Variants in PPFIBP2 observed in about 807,000 individuals in gnomAD.
PPFIBP2 encodes PPFIB scaffold protein 2.
PPFIBP2 carries 118 observed loss-of-function variants against 118.3 expected under a neutral mutation model. The ratio of observed to expected loss-of-function variants is 1.00; its 90% CI spans 0.86 to 1.16. The LOEUF is 1.16. PPFIBP2 is among the 50% of genes most tolerant of loss of function. PPFIBP2 has a pLI of 0.00. For missense variants in PPFIBP2, 1,195 were observed against 1,073.1 expected, an observed-to-expected ratio of 1.11 and a Z score of -1.59; for synonymous variants, 414 against 397.4, an observed-to-expected ratio of 1.04 and a Z score of -0.50.
intron 8 of PPFIBP2, 34 bp from the exon 9 acceptor site, chr11:7,628,251 A>G (rs1181504985): frequency 1.3e-6 from 2 of 1,574,562 alleles, no homozygotes; most frequent in African/African-American, 1.4e-5. Flanking sequence ...CTGTATTTAT[A>G]TAAATAATTA....
At chr11:7,619,985 A>G (rs1849149545) in intron 6 of PPFIBP2, among the ~76,000 whole-genome samples, 1 of 152,222 alleles carries the variant, frequency 6.6e-6, no homozygotes, top group African/African-American at 2.4e-5. Context: ...GCTAGTCAGC[A>G]GGACCAATTG....
At chr11:7,623,434 T>C (rs1398932867) in intron 7 of PPFIBP2, among the ~76,000 whole-genome samples, 2 of 152,238 alleles carry the variant, frequency 1.3e-5, no homozygotes, top group African/African-American at 4.8e-5. Flanking sequence ...AGAAGGTCTC[T>C]GGACTGTTCT....
chr11:7,646,492 G>T (rs527576920), intron 17 of PPFIBP2, among the ~76,000 whole-genome samples: 1 of 152,318 alleles, frequency 6.6e-6, no homozygotes, highest in Non-Finnish European at 1.5e-5. Flanking sequence ...ACCGTCTGTT[G>T]TCATAGAATA....
intron 3 of PPFIBP2, among the ~76,000 whole-genome samples, chr11:7,592,003 A>G (rs1358625135): frequency 3.3e-5 from 5 of 151,974 alleles, no homozygotes; most frequent in African/African-American, 1.2e-4. Context: ...AGGTGGCCCA[A>G]CTCTGGGTCT....
intron 2 of PPFIBP2, among the ~76,000 whole-genome samples, chr11:7,554,633 G>A (rs989186223): frequency 2.0e-5 from 3 of 152,144 alleles, no homozygotes; most frequent in Non-Finnish European, 4.4e-5. Context: ...GCCACGGTGC[G>A]ATGGCCTTTG....
intron 6 of PPFIBP2, among the ~76,000 whole-genome samples, chr11:7,612,701 G>A (rs1009526156): frequency 2.0e-5 from 3 of 152,160 alleles, no homozygotes; most frequent in African/African-American, 4.8e-5. Flanking sequence ...GCCCTTCCCA[G>A]TTGCTAGTAC....
chr11:7,565,377 C>T (rs1386249861), intron 2 of PPFIBP2, among the ~76,000 whole-genome samples, 176 bp from the exon 3 acceptor site: 1 of 152,218 alleles, frequency 6.6e-6, no homozygotes, highest in African/African-American at 2.4e-5. Context: ...CTCAAGTGAT[C>T]CTCCCGCTTC....
chr11:7,665,580 G>T, the PPFIBP2 span: 1 of 1,559,580 alleles, frequency 6.4e-7, no homozygotes, highest in South Asian at 1.3e-5. Flanking sequence ...CAAGCTGAGC[G>T]ATGCCAGGTG....
At chr11:7,518,002 C>T (rs1427283921) in intron 1 of PPFIBP2, among the ~76,000 whole-genome samples, 1 of 152,194 alleles carries the variant, frequency 6.6e-6, no homozygotes, top group African/African-American at 2.4e-5. Flanking sequence ...CTTTCATTGC[C>T]GTACTTGAAA....
At chr11:7,654,424 G>A (rs1490890247), downstream of PPFIBP2, among the ~76,000 whole-genome samples, 4 of 152,182 alleles carry the variant, frequency 2.6e-5, no homozygotes, top group African/African-American at 7.2e-5. Flanking sequence ...GTAACACCAC[G>A]TCACCGCTGT....
intron 3 of PPFIBP2, among the ~76,000 whole-genome samples, chr11:7,587,208 C>G (rs1858371122): frequency 6.6e-6 from 1 of 152,156 alleles, no homozygotes; most frequent in African/African-American, 2.4e-5. Flanking sequence ...ACTGAGTGCC[C>G]TTTTTATCCT....
chr11:7,598,591 G>A (rs1217156752), intron 5 of PPFIBP2: 1 of 154,652 alleles, frequency 6.5e-6, no homozygotes, highest in Non-Finnish European at 1.4e-5. Context: ...AATGACTGAA[G>A]TTTATGTGTG....
intron 1 of PPFIBP2, among the ~76,000 whole-genome samples, chr11:7,531,574 A>G (rs1159125813): frequency 1.3e-5 from 2 of 152,174 alleles, no homozygotes; most frequent in East Asian, 3.9e-4. Flanking sequence ...TTAAGAGGGA[A>G]GGGGAACACC....
intron 16 of PPFIBP2, chr11:7,642,044 T>C (rs1284339292): frequency 6.6e-6 from 3 of 453,012 alleles, no homozygotes; most frequent in Non-Finnish European, 1.2e-5. Flanking sequence ...AACTGGGGCC[T>C]CCTACAAGGC....
chr11:7,645,318 G>T (rs1401211936), intron 17 of PPFIBP2, among the ~76,000 whole-genome samples: 1 of 150,560 alleles, frequency 6.6e-6, no homozygotes, highest in African/African-American at 2.5e-5. Flanking sequence ...TGGCTTCCAG[G>T]ATTTCTTCTA....
intron 10 of PPFIBP2, 142 bp from the exon 11 acceptor site, chr11:7,630,783 T>G: frequency 1.5e-6 from 1 of 671,246 alleles, no homozygotes. Flanking sequence ...TGAAGAATCT[T>G]CAGAATCACA....
intron 3 of PPFIBP2, among the ~76,000 whole-genome samples, chr11:7,585,194 G>A (rs574241800): frequency 6.6e-6 from 1 of 152,150 alleles, no homozygotes; most frequent in Non-Finnish European, 1.5e-5. Context: ...TAGAAGCACT[G>A]AAGGAAATGT....
At chr11:7,537,591 C>T (rs1052146234) in intron 1 of PPFIBP2, among the ~76,000 whole-genome samples, 3 of 152,236 alleles carry the variant, frequency 2.0e-5, no homozygotes, top group Admixed American at 2.0e-4. Context: ...ACTTCTTAGA[C>T]CCACTCTTTC....
chr11:7,621,065 G>A (rs934836275), intron 7 of PPFIBP2, 38 bp downstream of exon 7: 2 of 1,484,744 alleles, frequency 1.3e-6, no homozygotes, highest in Non-Finnish European at 1.9e-6. Context: ...GAGAGTATGA[G>A]GGCCTTGTGG....
Sources: gnomAD v4.1 joint callset for allele counts (sites outside exome capture counted in the v4.1 genomes callset) on GRCh38, gnomAD v4.1.1 for gene constraint, MANE v1.5 for transcripts, NCBI Gene and HGNC (gene_info 2026-07-23, HGNC 2026-07-21) for gene names.